CACNA1E: variants seen among roughly 807,000 people sequenced by gnomAD.
The protein encoded by CACNA1E is calcium voltage-gated channel subunit alpha1 E.
A neutral mutation model predicts 259.2 loss-of-function variants in CACNA1E; 40 were observed. The observed-to-expected ratio is 0.15, with a 90% CI of 0.12 to 0.20. The LOEUF (loss-of-function observed/expected upper bound fraction) is 0.20. CACNA1E is among the 10% of genes least tolerant of loss of function. The probability of loss-of-function intolerance (pLI) is 1.00; values close to 1 mark genes in which losing one functional copy is unlikely to be tolerated. For synonymous variants in CACNA1E, 1,104 were observed against 1,138.5 expected, an observed-to-expected ratio of 0.97 and a Z score of 0.61; for missense variants, 1,874 against 3,040.1, an observed-to-expected ratio of 0.62 and a Z score of 9.02.
intron 1 of CACNA1E, among the ~76,000 whole-genome samples, chr1:181,400,270 C>T (rs190181406): frequency 1.3e-5 from 2 of 152,278 alleles, no homozygotes; most frequent in Admixed American, 1.3e-4. Context: ...TATTTCTAGC[C>T]AGAGGTTTTC....
intron 18 of CACNA1E, among the ~76,000 whole-genome samples, chr1:181,727,518 G>A (rs898160880): frequency 6.6e-6 from 1 of 152,266 alleles, no homozygotes; most frequent in Non-Finnish European, 1.5e-5. Flanking sequence ...GGACTAGGGA[G>A]AGAACAGGAT....
intron 7 of CACNA1E, among the ~76,000 whole-genome samples, chr1:181,663,256 G>A (rs764735491): frequency 4.6e-5 from 7 of 152,068 alleles, no homozygotes; most frequent in Non-Finnish European, 8.8e-5. Context: ...ATTAATTTTT[G>A]TAACAGCCTT....
At chr1:181,563,426 C>T (rs540540815) in intron 3 of CACNA1E, among the ~76,000 whole-genome samples, 1 of 152,154 alleles carries the variant, frequency 6.6e-6, no homozygotes, top group East Asian at 1.9e-4. Flanking sequence ...CCCAGACTGC[C>T]CAAAAAAGGG....
intron 6 of CACNA1E, among the ~76,000 whole-genome samples, chr1:181,593,815 G>A (rs1299107296): frequency 2.0e-5 from 3 of 152,178 alleles, no homozygotes; most frequent in South Asian, 2.1e-4. Context: ...GGGATTACAG[G>A]TGTGAGCTAC....
chr1:181,730,767 G>T (rs1655394487), intron 18 of CACNA1E, among the ~76,000 whole-genome samples: 1 of 152,204 alleles, frequency 6.6e-6, no homozygotes, highest in Non-Finnish European at 1.5e-5. Flanking sequence ...CAATGAATGT[G>T]CTATGCTAGC....
intron 1 of CACNA1E, among the ~76,000 whole-genome samples, chr1:181,355,328 CTG>C (rs1227015925): frequency 1.3e-5 from 2 of 152,330 alleles, no homozygotes; most frequent in East Asian, 3.9e-4. Flanking sequence ...TGGCTCATGT[CTG>C]TAATCTCAGC....
At chr1:181,398,302 AAAC>A (rs1357960118) in intron 1 of CACNA1E, among the ~76,000 whole-genome samples, 1 of 152,190 alleles carries the variant, frequency 6.6e-6, no homozygotes, top group Non-Finnish European at 1.5e-5. Flanking sequence ...AACAAAATAA[AAAC>A]AAAACTTTGC....
At chr1:181,356,936 G>A (rs1653490133) in intron 1 of CACNA1E, among the ~76,000 whole-genome samples, 1 of 152,074 alleles carries the variant, frequency 6.6e-6, no homozygotes, top group Admixed American at 6.5e-5. Flanking sequence ...ATATAACCAC[G>A]GCAGCAAAGA....
At chr1:181,415,635 G>A (rs1221764126) in intron 2 of CACNA1E, among the ~76,000 whole-genome samples, 3 of 152,200 alleles carry the variant, frequency 2.0e-5, no homozygotes, top group Admixed American at 2.0e-4. Flanking sequence ...GGAAACACTG[G>A]CTTTGGCAAC....
At chr1:181,401,024 C>T (rs1657063021) in intron 1 of CACNA1E, among the ~76,000 whole-genome samples, 1 of 152,184 alleles carries the variant, frequency 6.6e-6, no homozygotes. Flanking sequence ...TGCCCCCCAA[C>T]ATTACATCGC....
intron 3 of CACNA1E, among the ~76,000 whole-genome samples, chr1:181,558,149 A>C (rs1648934749): frequency 6.6e-6 from 1 of 152,220 alleles, no homozygotes; most frequent in Non-Finnish European, 1.5e-5. Flanking sequence ...TCTTGAAGCT[A>C]CACTAAGAGA....
At chr1:181,775,197 G>A (rs1659870902) in intron 37 of CACNA1E, among the ~76,000 whole-genome samples, 1 of 152,194 alleles carries the variant, frequency 6.6e-6, no homozygotes, top group Non-Finnish European at 1.5e-5. Flanking sequence ...TGTGCCCAGG[G>A]AAATGGGGTT....
At chr1:181,599,448 G>A (rs929648297) in intron 6 of CACNA1E, among the ~76,000 whole-genome samples, 4 of 152,092 alleles carry the variant, frequency 2.6e-5, no homozygotes, top group Admixed American at 6.5e-5. Context: ...CATCTTAATT[G>A]TTACTTCCTT....
At chr1:181,373,488 G>GTCATT (rs1654846840) in intron 1 of CACNA1E, among the ~76,000 whole-genome samples, 1 of 149,402 alleles carries the variant, frequency 6.7e-6, no homozygotes, top group Non-Finnish European at 1.5e-5. Context: ...AGTCACCTTT[G>GTCATT]TCATTTCTGA....
intron 1 of CACNA1E, among the ~76,000 whole-genome samples, chr1:181,374,177 G>C (rs760905074): frequency 6.6e-6 from 1 of 152,084 alleles, no homozygotes; most frequent in Non-Finnish European, 1.5e-5. Context: ...CTTTAGATGT[G>C]TCCCAGAAAG....
intron 3 of CACNA1E, among the ~76,000 whole-genome samples, chr1:181,556,313 C>A (rs538180235): frequency 3.9e-5 from 6 of 152,178 alleles, no homozygotes; most frequent in Non-Finnish European, 7.3e-5. Context: ...CCCAGGACAG[C>A]AATTTCTCAT....
At chr1:181,461,307 C>T (rs897069280) in intron 2 of CACNA1E, among the ~76,000 whole-genome samples, 2 of 151,930 alleles carry the variant, frequency 1.3e-5, no homozygotes, top group East Asian at 1.9e-4. Flanking sequence ...TTTGGGAGGC[C>T]GAGGCGGGCG....
intron 25 of CACNA1E, among the ~76,000 whole-genome samples, chr1:181,748,092 G>C (rs183566590): frequency 2.9e-4 from 44 of 152,302 alleles, no homozygotes; most frequent in Admixed American, 2.7e-3. Context: ...TGCAGTAAGA[G>C]ACCTGATGAA....
At chr1:181,653,753 G>C (rs1200288946) in intron 7 of CACNA1E, among the ~76,000 whole-genome samples, 1 of 152,186 alleles carries the variant, frequency 6.6e-6, no homozygotes, top group African/African-American at 2.4e-5. Context: ...TGATAAGCCA[G>C]GATGATCTCT....
Sources: gnomAD v4.1 joint callset for allele counts (sites outside exome capture counted in the v4.1 genomes callset) on GRCh38, gnomAD v4.1.1 for gene constraint, MANE v1.5 for transcripts, NCBI Gene and HGNC (gene_info 2026-07-23, HGNC 2026-07-21) for gene names.